DPP10: variants seen among roughly 807,000 people sequenced by gnomAD.
DPP10 encodes dipeptidyl peptidase like 10, also known as inactive dipeptidyl peptidase 10.
Under a neutral mutation model 120.9 loss-of-function variants are expected in DPP10, and 33 were observed. The ratio of observed to expected loss-of-function variants is 0.27; its 90% CI spans 0.21 to 0.37. The LOEUF is 0.37. DPP10 is among the 10% of genes least tolerant of loss of function. The probability of loss-of-function intolerance (pLI) is 1.00; values close to 1 mark genes in which losing one functional copy is unlikely to be tolerated. For synonymous variants in DPP10, 337 were observed against 326.1 expected (o/e 1.03, Z -0.36); for missense variants, 816 against 942.8 (o/e 0.87, Z 1.76).
chr2:114,571,980 T>C (rs1287635065), intron 1 of DPP10, among the ~76,000 whole-genome samples: 1 of 149,128 alleles, frequency 6.7e-6, no homozygotes, highest in Non-Finnish European at 1.5e-5. Flanking sequence ...ATTATGTATA[T>C]GTAGTATATA....
At chr2:115,292,219 C>T (rs1330783544) in intron 1 of DPP10, among the ~76,000 whole-genome samples, 1 of 152,090 alleles carries the variant, frequency 6.6e-6, no homozygotes, top group Admixed American at 6.6e-5. Flanking sequence ...CAGTAACATC[C>T]TTATAGTAGA....
intron 1 of DPP10, among the ~76,000 whole-genome samples, chr2:115,213,268 G>A (rs1402862907): frequency 6.6e-6 from 1 of 152,232 alleles, no homozygotes; most frequent in South Asian, 2.1e-4. Flanking sequence ...AGAGTAGGAT[G>A]CAACAGTGTT....
chr2:115,016,200 A>G lies in DPP10; in HGVS notation c.61-293039A>G, dbSNP rs577515655. Reference sequence around the variant, plus strand: ...GAACAGAGGCCTCAGAAATAATGCCACATATCTACAACCATCTGATCTTTG... The same window carrying G: ...GAACAGAGGCCTCAGAAATAATGCCGCATATCTACAACCATCTGATCTTTG... On this transcript the variant is annotated intron_variant, in intron 1 of 25. Coordinates refer to ENST00000410059, the MANE Select transcript of DPP10 (RefSeq NM_020868.6). Among the ~76,000 whole-genome samples the G allele has an allele frequency of 2.0e-5, 3 of 152,298 alleles. No individual in the cohort carries two copies. The South Asian group carries it at 6.2e-4, about 32-fold the overall frequency.
At chr2:114,785,929 C>T (rs972613144) in intron 1 of DPP10, among the ~76,000 whole-genome samples, 2 of 152,168 alleles carry the variant, frequency 1.3e-5, no homozygotes, top group Non-Finnish European at 2.9e-5. Flanking sequence ...AAGGTAATCA[C>T]ATTTTCTTTT....
intron 1 of DPP10, among the ~76,000 whole-genome samples, chr2:115,000,681 T>G (rs1701382208): frequency 6.6e-6 from 1 of 152,162 alleles, no homozygotes; most frequent in Non-Finnish European, 1.5e-5. Context: ...ACTATAATAG[T>G]TCTTAAACAT....
intron 1 of DPP10, among the ~76,000 whole-genome samples, chr2:114,486,138 A>G (rs1187623291): frequency 6.6e-6 from 1 of 152,138 alleles, no homozygotes; most frequent in Non-Finnish European, 1.5e-5. Context: ...CTGGAAATTC[A>G]ACGCTGTAGT....
In DPP10 at chr2:115,152,757, A is replaced by C. The variant is rs530116998; in HGVS notation, c.61-156482A>C. 1.2e-3 allele frequency among the ~76,000 whole-genome samples: 179 copies of C among 152,288 alleles called. 1 individual carries two copies. The Middle Eastern group carries it at 0.014, about 12-fold the overall frequency. ...AAGTTTGGTTTCAAGAGTTCACAGG[A>C]TCTAGACTGCACCAGCCACCTAAGA... On this transcript the variant is annotated intron_variant, in intron 1 of 25. Coordinates refer to ENST00000410059, the MANE Select transcript of DPP10 (RefSeq NM_020868.6).
At chr2:115,377,628 A>G (rs906262192) in intron 3 of DPP10, among the ~76,000 whole-genome samples, 2 of 152,178 alleles carry the variant, frequency 1.3e-5, no homozygotes, top group African/African-American at 2.4e-5. Flanking sequence ...GTCCTTGCCC[A>G]TGCCTATGTC....
At chr2:115,153,390 G>A (rs2104912243) in intron 1 of DPP10, among the ~76,000 whole-genome samples, 1 of 152,268 alleles carries the variant, frequency 6.6e-6, no homozygotes, top group African/African-American at 2.4e-5. Context: ...GTCCACTGTA[G>A]TTTCTAGTGA....
chr2:115,586,701 A>G (rs2149151100), intron 5 of DPP10, among the ~76,000 whole-genome samples: 1 of 151,482 alleles, frequency 6.6e-6, no homozygotes, highest in African/African-American at 2.4e-5. Context: ...TTTTTTTTCC[A>G]TTTTACTTGT....
intron 1 of DPP10, among the ~76,000 whole-genome samples, chr2:114,650,625 A>C (rs1696514000): frequency 6.6e-6 from 1 of 152,196 alleles, no homozygotes; most frequent in African/African-American, 2.4e-5. Context: ...AGGAATTAGA[A>C]AGATAAGGAG....
chr2:114,680,542 T>A (rs1226841744), intron 1 of DPP10, among the ~76,000 whole-genome samples: 1 of 152,000 alleles, frequency 6.6e-6, no homozygotes, highest in African/African-American at 2.4e-5. Flanking sequence ...TAATTGTGCA[T>A]CTCTTCACTC....
At chr2:115,119,739 T>A (rs975078589) in intron 1 of DPP10, among the ~76,000 whole-genome samples, 12 of 152,224 alleles carry the variant, frequency 7.9e-5, no homozygotes, top group African/African-American at 2.9e-4. Flanking sequence ...GGATGCCTCT[T>A]GAATATTGAG....
chr2:115,148,180 C>T (rs1238391765), intron 1 of DPP10, among the ~76,000 whole-genome samples: 1 of 152,146 alleles, frequency 6.6e-6, no homozygotes, highest in Non-Finnish European at 1.5e-5. Context: ...ATAACATAGG[C>T]TGTTTAGTTC....
intron 1 of DPP10, among the ~76,000 whole-genome samples, chr2:114,722,271 C>A (rs1262885615): frequency 6.6e-6 from 1 of 152,154 alleles, no homozygotes; most frequent in Non-Finnish European, 1.5e-5. Context: ...ACTAGCACTA[C>A]ACTATTTTTG....
At chr2:115,613,174 T>G (rs1041373774) in intron 5 of DPP10, among the ~76,000 whole-genome samples, 5 of 152,166 alleles carry the variant, frequency 3.3e-5, no homozygotes, top group Non-Finnish European at 7.4e-5. Context: ...GGATGCTATT[T>G]TTATATAGAT....
At chr2:114,841,778 A>G (rs997686212) in intron 1 of DPP10, among the ~76,000 whole-genome samples, 1 of 152,134 alleles carries the variant, frequency 6.6e-6, no homozygotes, top group African/African-American at 2.4e-5. Flanking sequence ...ATTGGGAGCT[A>G]TACAGAAATC....
chr2:115,275,154 C>T (rs1164710478), intron 1 of DPP10, among the ~76,000 whole-genome samples: 4 of 152,302 alleles, frequency 2.6e-5, no homozygotes, highest in Non-Finnish European at 5.9e-5. Flanking sequence ...CAGGGCATTT[C>T]ACAAAATGGA....
chr2:114,939,865 A>G (rs994276607), intron 1 of DPP10, among the ~76,000 whole-genome samples: 3 of 152,176 alleles, frequency 2.0e-5, no homozygotes, highest in African/African-American at 7.2e-5. Context: ...AGTGAAATAA[A>G]TATTTGATTT....
Sources: allele counts gnomAD v4.1 joint callset (sites outside exome capture counted in the v4.1 genomes callset), GRCh38; gene constraint gnomAD v4.1.1; transcripts MANE v1.5; gene names NCBI Gene and HGNC (gene_info 2026-07-23, HGNC 2026-07-21).